The following GAB1 variants were observed in gnomAD, a reference collection of about 807,000 sequenced individuals.
The protein encoded by GAB1 is GRB2-associated-binding protein 1.
Under a neutral mutation model 66.5 loss-of-function variants are expected in GAB1, and 19 were observed. The observed-to-expected ratio is 0.29, with a 90% confidence interval of 0.20 to 0.42. The LOEUF (loss-of-function observed/expected upper bound fraction) is 0.42. Among genes scored for constraint, GAB1 ranks in the 10% least tolerant of loss-of-function variants. The pLI is 1.00. For synonymous variants in GAB1, 294 were observed against 301.4 expected (o/e 0.98, Z 0.25); for missense variants, 732 against 858.5 (o/e 0.85, Z 1.84).
At chr4:143,431,116 CACAG>C (rs1733629068) in intron 2 of GAB1, among the ~76,000 whole-genome samples, 1 of 152,152 alleles carries the variant, frequency 6.6e-6, no homozygotes, top group African/African-American at 2.4e-5. Flanking sequence ...TATATAGCTA[CACAG>C]ACAGGCAGAA....
chr4:143,459,654 C>T (rs1350200195), intron 7 of GAB1, among the ~76,000 whole-genome samples, 176 bp downstream of exon 7: 1 of 152,086 alleles, frequency 6.6e-6, no homozygotes, highest in Non-Finnish European at 1.5e-5. Flanking sequence ...ATGTTATTTT[C>T]TGTATTTTTT....
chr4:143,362,285 G>A (rs1432394949), intron 1 of GAB1, among the ~76,000 whole-genome samples: 1 of 152,134 alleles, frequency 6.6e-6, no homozygotes, highest in Non-Finnish European at 1.5e-5. Flanking sequence ...TTTCGTAATA[G>A]CAGCATCCAT....
chr4:143,461,569 T>G (rs1035802463), intron 8 of GAB1, among the ~76,000 whole-genome samples: 1 of 152,118 alleles, frequency 6.6e-6, no homozygotes, highest in Non-Finnish European at 1.5e-5. Flanking sequence ...TAGAAACCAT[T>G]AACCAGAACT....
At chr4:143,457,491 T>C (rs536997284) in intron 6 of GAB1, among the ~76,000 whole-genome samples, 1 of 152,144 alleles carries the variant, frequency 6.6e-6, no homozygotes, top group Non-Finnish European at 1.5e-5. Flanking sequence ...TTTTCCATTG[T>C]GCTGAGCATG....
At position 143,439,806 on chromosome 4, in the gene GAB1, T is replaced by C; in HGVS notation, c.1200T>C (p.Ala400=). The change falls in exon 5 of 10, where the codon GCT becomes GCC. Residue 400 remains alanine (A), a synonymous_variant. Transcript: ENST00000262994. ...TVDLNKLRKD[A]SSQDCYDIPR... ...ATAGTTTGTTCTTTATTTTAGATGC[T>C]AGTTCTCAAGACTGCTATGATATTC... 2 of 1,609,664 alleles carry C rather than the reference T, an allele frequency of 1.2e-6. No individual in the cohort carries two copies. The highest frequency in any genetic ancestry group is 1.1e-5 in the South Asian group (1 of 90,992).
At chr4:143,374,793 T>G (rs148680800) in intron 1 of GAB1, among the ~76,000 whole-genome samples, 3 of 152,346 alleles carry the variant, frequency 2.0e-5, no homozygotes, top group Non-Finnish European at 4.4e-5. Context: ...ATGGCTCCTA[T>G]GGATACGTCT....
At chr4:143,338,750 G>A (rs1252439157) in intron 1 of GAB1, among the ~76,000 whole-genome samples, 1 of 133,428 alleles carries the variant, frequency 7.5e-6, no homozygotes, top group African/African-American at 3.1e-5. Flanking sequence ...AGAAGGAAGG[G>A]AGAAAGGGGT....
intron 2 of GAB1, chr4:143,425,156 G>C: frequency 4.9e-6 from 4 of 817,002 alleles, no homozygotes; most frequent in Non-Finnish European, 8.6e-6. Context: ...AGATGGAATA[G>C]TACATCTCTA....
intron 6 of GAB1, among the ~76,000 whole-genome samples, chr4:143,458,524 T>C (rs1735318924): frequency 6.6e-6 from 1 of 152,040 alleles, no homozygotes; most frequent in Non-Finnish European, 1.5e-5. Context: ...TTAGGTAGTC[T>C]CCTAAAATAT....
intron 6 of GAB1, among the ~76,000 whole-genome samples, chr4:143,444,445 C>T (rs773840242): frequency 6.6e-6 from 1 of 152,190 alleles, no homozygotes; most frequent in Admixed American, 6.5e-5. Flanking sequence ...AGCTTAGATC[C>T]TTAATATTGT....
intron 2 of GAB1, among the ~76,000 whole-genome samples, chr4:143,422,018 G>T (rs1386974812): frequency 6.6e-6 from 1 of 152,172 alleles, no homozygotes; most frequent in Non-Finnish European, 1.5e-5. Flanking sequence ...AAACTGCAAT[G>T]CAGGCTGCTT....
chr4:143,422,804 T>C (rs1733094214), intron 2 of GAB1, among the ~76,000 whole-genome samples: 1 of 152,210 alleles, frequency 6.6e-6, no homozygotes, highest in East Asian at 1.9e-4. Context: ...TAAGTAAATT[T>C]CAATTAGGAG....
At chr4:143,415,866 A>G in intron 2 of GAB1, 95 bp downstream of exon 2, 1 of 959,702 alleles carries the variant, frequency 1.0e-6, no homozygotes. Flanking sequence ...GTTACACAAT[A>G]TAATGTTTTA....
chr4:143,377,341 TTG>T (rs1280594599), intron 1 of GAB1, among the ~76,000 whole-genome samples: 1 of 152,192 alleles, frequency 6.6e-6, no homozygotes, highest in Non-Finnish European at 1.5e-5. Flanking sequence ...AAGCTGGCTT[TTG>T]TTGGGGGGAG....
At chr4:143,419,572 GT>G (rs1732903160) in intron 2 of GAB1, among the ~76,000 whole-genome samples, 1 of 152,106 alleles carries the variant, frequency 6.6e-6, no homozygotes, top group South Asian at 2.1e-4. Context: ...TAGTCTGTGA[GT>G]TGGCTACCAA....
At chr4:143,356,161 T>G (rs1032850072) in intron 1 of GAB1, among the ~76,000 whole-genome samples, 1 of 152,122 alleles carries the variant, frequency 6.6e-6, no homozygotes, top group African/African-American at 2.4e-5. Flanking sequence ...TTTTGAGAAT[T>G]TGTGCAAATC....
At chr4:143,387,878 A>G (rs1463262242) in intron 1 of GAB1, among the ~76,000 whole-genome samples, 1 of 152,078 alleles carries the variant, frequency 6.6e-6, no homozygotes, top group Non-Finnish European at 1.5e-5. Context: ...CACACCCTAG[A>G]TTCCAGCCCA....
At chr4:143,394,370 C>T (rs1731335572) in intron 1 of GAB1, among the ~76,000 whole-genome samples, 1 of 152,202 alleles carries the variant, frequency 6.6e-6, no homozygotes, top group South Asian at 2.1e-4. Flanking sequence ...CCAGTGTTGA[C>T]ATCCCTCCTT....
chr4:143,449,395 A>G (rs1292347974), intron 6 of GAB1, among the ~76,000 whole-genome samples: 3 of 151,828 alleles, frequency 2.0e-5, no homozygotes, highest in Admixed American at 1.3e-4. Flanking sequence ...TGGAGTGTTA[A>G]AGTCTCCCAT....
Sources: gnomAD v4.1 joint callset for allele counts (sites outside exome capture counted in the v4.1 genomes callset) on GRCh38, gnomAD v4.1.1 for gene constraint, MANE v1.5 for transcripts, NCBI Gene and HGNC (gene_info 2026-07-23, HGNC 2026-07-21) for gene names.